The following MEF2C variants were observed in gnomAD, a reference collection of about 807,000 sequenced individuals.
MEF2C encodes the protein myocyte enhancer factor 2C.
MEF2C carries 6 observed loss-of-function variants against 50.5 expected under a neutral mutation model. That is an observed-to-expected ratio of 0.12 (90% CI 0.07 to 0.23). The LOEUF (loss-of-function observed/expected upper bound fraction) is 0.23. MEF2C is among the 10% of genes least tolerant of loss of function. The pLI is 1.00. For synonymous variants in MEF2C, 183 were observed against 228.0 expected, an observed-to-expected ratio of 0.80 and a Z score of 1.78; for missense variants, 276 against 605.0, an observed-to-expected ratio of 0.46 and a Z score of 5.70.
chr5:88,899,300 G>C (rs1835405242), intron 1 of MEF2C, among the ~76,000 whole-genome samples: 1 of 152,120 alleles, frequency 6.6e-6, no homozygotes, highest in Non-Finnish European at 1.5e-5. Context: ...TACATGGTGG[G>C]CTACTTATAG....
chr5:88,738,675 T>C (rs1765153490), intron 6 of MEF2C: 1 of 985,198 alleles, frequency 1.0e-6, no homozygotes, highest in South Asian at 4.7e-5. Context: ...TTGCAAATTA[T>C]GGGGATACAA....
intron 10 of MEF2C, 95 bp downstream of exon 10, chr5:88,728,398 C>A (rs938762497): frequency 2.0e-6 from 2 of 987,004 alleles, no homozygotes; most frequent in Non-Finnish European, 1.3e-6. Context: ...GAGTTTTATA[C>A]CCGTTAATGG....
chr5:88,773,849 C>T (rs1783552056), intron 3 of MEF2C, among the ~76,000 whole-genome samples: 1 of 152,218 alleles, frequency 6.6e-6, no homozygotes, highest in Non-Finnish European at 1.5e-5. Flanking sequence ...TATTACTTCT[C>T]CCTTTCCATG....
intron 4 of MEF2C, among the ~76,000 whole-genome samples, chr5:88,760,578 T>C (rs1438306672): frequency 6.6e-6 from 1 of 152,252 alleles, no homozygotes; most frequent in Non-Finnish European, 1.5e-5. Context: ...CATGAAAGAA[T>C]TGCTGACCCA....
At chr5:88,894,440 G>A (rs1160917032) in intron 1 of MEF2C, among the ~76,000 whole-genome samples, 1 of 152,176 alleles carries the variant, frequency 6.6e-6, no homozygotes, top group Non-Finnish European at 1.5e-5. Flanking sequence ...CTTTAAGGTA[G>A]ACACTTTAGA....
chr5:88,733,421 G>A, intron 6 of MEF2C: 1 of 985,320 alleles, frequency 1.0e-6, no homozygotes, highest in South Asian at 4.7e-5. Flanking sequence ...GAAAGTTTCA[G>A]AGTAGAGGTA....
At chr5:88,745,124 A>G (rs1415675324) in intron 6 of MEF2C, among the ~76,000 whole-genome samples, 7 of 152,202 alleles carry the variant, frequency 4.6e-5, no homozygotes, top group African/African-American at 7.2e-5. Context: ...CATGGCTAGA[A>G]GATCTATTTT....
intron 9 of MEF2C, among the ~76,000 whole-genome samples, chr5:88,728,998 T>C (rs928926524): frequency 1.3e-5 from 2 of 152,178 alleles, no homozygotes; most frequent in Non-Finnish European, 2.9e-5. Context: ...AAAGTGTGTT[T>C]CTATTTTGAA....
At chr5:88,860,496 T>A (rs1390212783) in intron 1 of MEF2C, among the ~76,000 whole-genome samples, 1 of 152,184 alleles carries the variant, frequency 6.6e-6, no homozygotes, top group Non-Finnish European at 1.5e-5. Context: ...ATTGTAATTT[T>A]TTTTTCACTT....
chr5:88,882,608 G>C (rs1444536820), intron 1 of MEF2C, among the ~76,000 whole-genome samples: 1 of 152,080 alleles, frequency 6.6e-6, no homozygotes, highest in Non-Finnish European at 1.5e-5. Context: ...CACAGAACAT[G>C]CTGTGAAATA....
At chr5:88,781,779 C>T (rs1454669127) in intron 3 of MEF2C, among the ~76,000 whole-genome samples, 1 of 152,098 alleles carries the variant, frequency 6.6e-6, no homozygotes, top group Non-Finnish European at 1.5e-5. Flanking sequence ...CAAGACCCAG[C>T]CTGGCCAACA....
intron 1 of MEF2C, among the ~76,000 whole-genome samples, chr5:88,864,008 G>A (rs536052851): frequency 2.1e-4 from 32 of 152,016 alleles, no homozygotes; most frequent in African/African-American, 5.5e-4. Flanking sequence ...TTTTAGTAGA[G>A]ACGAGGTTTC....
chr5:88,839,721 A>G (rs1190383061), intron 1 of MEF2C: 1 of 152,186 alleles, frequency 6.6e-6, no homozygotes, highest in East Asian at 1.9e-4. Flanking sequence ...ATTTGGTCAC[A>G]ATCCTGAGGA....
chr5:88,793,085 G>A (rs552351550), intron 3 of MEF2C, among the ~76,000 whole-genome samples: 1 of 152,136 alleles, frequency 6.6e-6, no homozygotes, highest in Admixed American at 6.5e-5. Flanking sequence ...ACAGGCAATT[G>A]GATAACAACT....
chr5:88,821,375 T>A (rs1808272664), intron 2 of MEF2C, among the ~76,000 whole-genome samples: 1 of 151,864 alleles, frequency 6.6e-6, no homozygotes, highest in Non-Finnish European at 1.5e-5. Context: ...GTCCTAGTGG[T>A]CCCCAAGTGG....
chr5:88,825,728 A>C (rs1581258750), intron 1 of MEF2C: 5 of 596,946 alleles, frequency 8.4e-6, no homozygotes, highest in Non-Finnish European at 8.4e-6. Context: ...CCTTAGAAGC[A>C]AGCAGTGTGT....
At position 88,819,413 on chromosome 5, in the gene MEF2C, G is replaced by A. The variant is rs996417566; in HGVS notation, c.54+4322C>T. On this transcript the variant is annotated intron_variant, in intron 2 of 10. Coordinates refer to ENST00000504921, the MANE Select transcript of MEF2C (RefSeq NM_002397.5). ...CAAAGCTTTGCGATATCTGGGTCCT[G>A]TCTAACATCCAATCTTTTCTCTCAT... The A allele has an allele frequency of 6.1e-6, 6 of 982,286 alleles. No homozygotes were observed. The Admixed American group carries it at 2.5e-4, about 40-fold the overall frequency. The allele number at this position is 982,286 out of a possible 1,614,324, so 60.8% of individuals were successfully genotyped here.
intron 1 of MEF2C, among the ~76,000 whole-genome samples, chr5:88,898,852 T>G (rs13159808): frequency 6.6e-6 from 1 of 152,000 alleles, no homozygotes; most frequent in Non-Finnish European, 1.5e-5. Flanking sequence ...CATTCTTTCA[T>G]TCCATTTATT....
At chr5:88,824,305 T>C (rs1364549138) in intron 1 of MEF2C, 1 of 985,318 alleles carries the variant, frequency 1.0e-6, no homozygotes, top group African/African-American at 1.7e-5. Flanking sequence ...TGAACCTTTA[T>C]GTACCTGTGT....
Sources: gnomAD v4.1 joint callset for allele counts (sites outside exome capture counted in the v4.1 genomes callset) on GRCh38, gnomAD v4.1.1 for gene constraint, MANE v1.5 for transcripts, NCBI Gene and HGNC (gene_info 2026-07-23, HGNC 2026-07-21) for gene names.